Variants in ADAMTSL3 observed in about 807,000 individuals in gnomAD.
ADAMTSL3 encodes ADAMTS like 3.
A neutral mutation model predicts 201.7 loss-of-function variants in ADAMTSL3; 128 were observed. That is an observed-to-expected ratio of 0.63 (90% confidence interval 0.55 to 0.73). The LOEUF (loss-of-function observed/expected upper bound fraction) is 0.73. Ranked by LOEUF, ADAMTSL3 falls within the 30% of genes least tolerant of loss-of-function variation. ADAMTSL3 has a pLI of 0.00. For synonymous variants in ADAMTSL3, 738 were observed against 748.4 expected, an observed-to-expected ratio of 0.99 and a Z score of 0.23; for missense variants, 1,990 against 2,119.6, an observed-to-expected ratio of 0.94 and a Z score of 1.20.
At chr15:83,814,424 A>G (rs1363933989) in intron 5 of ADAMTSL3, among the ~76,000 whole-genome samples, 1 of 152,014 alleles carries the variant, frequency 6.6e-6, no homozygotes, top group Non-Finnish European at 1.5e-5. Context: ...CTCTTATTTA[A>G]ACTCCCAACT....
At chr15:84,033,443 T>C (rs577848192) in intron 28 of ADAMTSL3, among the ~76,000 whole-genome samples, 1 of 152,284 alleles carries the variant, frequency 6.6e-6, no homozygotes, top group South Asian at 2.1e-4. Context: ...GGCAGATCAC[T>C]TGAAGTCAGG....
At chr15:83,782,971 TTATA>T (rs200426299) in intron 4 of ADAMTSL3, among the ~76,000 whole-genome samples, 1 of 142,128 alleles carries the variant, frequency 7.0e-6, no homozygotes, top group African/African-American at 2.8e-5. Flanking sequence ...TATACATATA[TTATA>T]TATATACATA....
At chr15:83,963,240 C>G (rs931010223) in intron 19 of ADAMTSL3, among the ~76,000 whole-genome samples, 1 of 152,210 alleles carries the variant, frequency 6.6e-6, no homozygotes, top group Admixed American at 6.5e-5. Context: ...CAGAGCCCAG[C>G]AAGCTAAGAT....
At chr15:83,936,958 C>T (rs1173078375) in intron 17 of ADAMTSL3, among the ~76,000 whole-genome samples, 3 of 150,780 alleles carry the variant, frequency 2.0e-5, no homozygotes, top group East Asian at 1.9e-4. Flanking sequence ...AAAACCATAG[C>T]GAGATACCAT....
chr15:83,872,018 G>GT (rs2065089602), intron 9 of ADAMTSL3, among the ~76,000 whole-genome samples: 1 of 152,220 alleles, frequency 6.6e-6, no homozygotes, highest in Admixed American at 6.5e-5. Flanking sequence ...GTAGATTAGA[G>GT]TTGCTGACTC....
At position 83,823,966 on chromosome 15, in the gene ADAMTSL3, TCTTCTTCTCCTC is replaced by T. The variant is rs1287770628; in HGVS notation, c.600+3922_600+3933del. Reference sequence around the variant, plus strand: ...TTCTTCTTCTTCTTCTTCTTCTTCTTCTTCTTCTCCTCCTCCTCCTCCTCCTTCTCCTTCTTC... The same window carrying T: ...TTCTTCTTCTTCTTCTTCTTCTTCTTCTCCTCCTCCTCCTTCTCCTTCTTC... On this transcript the variant is annotated intron_variant, in intron 6 of 29. Coordinates refer to ENST00000286744, the MANE Select transcript of ADAMTSL3 (RefSeq NM_207517.3). 9.3e-5 allele frequency among the ~76,000 whole-genome samples: 6 copies of T among 64,766 alleles called. No homozygotes were observed. In the East Asian group the frequency reaches 2.6e-3, roughly 28 times the overall value. 42.5% of individuals were successfully genotyped at this position (64,766 alleles called of 152,430 possible).
intron 7 of ADAMTSL3, among the ~76,000 whole-genome samples, chr15:83,849,927 GACTTTAAT>G (rs2064575490): frequency 6.6e-6 from 1 of 152,112 alleles, no homozygotes; most frequent in South Asian, 2.1e-4. Context: ...ACTTCTGAGA[GACTTTAAT>G]ACATTGAAGT....
intron 23 of ADAMTSL3, among the ~76,000 whole-genome samples, chr15:84,008,194 C>G (rs146020487): frequency 2.1e-4 from 32 of 152,300 alleles, no homozygotes; most frequent in Non-Finnish European, 3.4e-4. Context: ...ACTGCAACCT[C>G]TACCTCCTGG....
chr15:83,850,657 C>G (rs953640017), intron 7 of ADAMTSL3, among the ~76,000 whole-genome samples: 1 of 152,096 alleles, frequency 6.6e-6, no homozygotes, highest in African/African-American at 2.4e-5. Flanking sequence ...TTCCTCAGAT[C>G]ACAGCTTCCT....
At chr15:83,858,221 A>G (rs2064781447) in intron 7 of ADAMTSL3, among the ~76,000 whole-genome samples, 1 of 152,234 alleles carries the variant, frequency 6.6e-6, no homozygotes, top group Non-Finnish European at 1.5e-5. Flanking sequence ...GCAGACCCTC[A>G]TCAAAGCACA....
intron 8 of ADAMTSL3, among the ~76,000 whole-genome samples, chr15:83,863,757 C>G (rs911063022): frequency 2.0e-5 from 3 of 152,080 alleles, no homozygotes; most frequent in South Asian, 2.1e-4. Context: ...CAAGAAATAA[C>G]TAAGATCAGA....
chr15:83,730,584 C>T lies in ADAMTSL3; in HGVS notation c.189+26076C>T, dbSNP rs1332286962. Among the ~76,000 whole-genome samples the T allele has an allele frequency of 2.0e-5, 3 of 151,610 alleles. No homozygotes were observed. The East Asian group carries it at 5.8e-4, about 29-fold the overall frequency. On this transcript the variant is annotated intron_variant, in intron 3 of 29. Coordinates refer to ENST00000286744, the MANE Select transcript of ADAMTSL3 (RefSeq NM_207517.3). ...ACCAAAGCAAAACCAGCCTCAAGAA[C>T]CCAAAAAGTATAATGGTTAGGAGCA...
intron 8 of ADAMTSL3, among the ~76,000 whole-genome samples, chr15:83,863,764 C>G (rs1331679803): frequency 6.6e-6 from 1 of 152,046 alleles, no homozygotes; most frequent in East Asian, 1.9e-4. Flanking sequence ...TAACTAAGAT[C>G]AGAGCAGAAC....
In ADAMTSL3 at chr15:83,865,542, G is replaced by T. The variant is rs150167400; in HGVS notation, c.803-5260G>T. Among the ~76,000 whole-genome samples, 309 of 152,242 alleles carry T rather than the reference G, an allele frequency of 2.0e-3. 2 individuals are homozygous for T. Among genetic ancestry groups the T allele is most frequent in the African/African-American group, 7.0e-3 (290 of 41,556 alleles). ...ATTCCCTATTTAAGAAATGGTGCTG[G>T]GAAAACTGGCTAGCCATATGTAGAA... On this transcript the variant is annotated intron_variant, in intron 8 of 29. Coordinates refer to ENST00000286744, the MANE Select transcript of ADAMTSL3 (RefSeq NM_207517.3).
Position 83,654,505 on chromosome 15 carries a change from T to G in ADAMTSL3, c.-34+229T>G, listed in dbSNP as rs1335273450. Among the ~76,000 whole-genome samples, 1 of 149,852 alleles carries G rather than the reference T, an allele frequency of 6.7e-6. No homozygotes were observed. The highest frequency in any genetic ancestry group is 1.5e-5 in the Non-Finnish European group (1 of 67,350). ...GCCGTCCCGGAAGGTTCAGGGAGAG[T>G]CTTTCGGCGGCAGTTCGCGGGCTGA... On this transcript the variant is annotated intron_variant, in intron 1 of 29. Coordinates refer to ENST00000286744, the MANE Select transcript of ADAMTSL3 (RefSeq NM_207517.3). The surrounding 1 kb of genome is among the most constrained non-coding windows in gnomAD (Gnocchi z 5.3).
At position 83,951,003 on chromosome 15, in the gene ADAMTSL3, C is replaced by CT. The variant is rs75663059; in HGVS notation, c.2490+7935dup. 4.9e-3 allele frequency among the ~76,000 whole-genome samples: 657 copies of CT among 133,382 alleles called. 2 individuals carry two copies. Among genetic ancestry groups the CT allele is most frequent in the Admixed American group, 5.8e-3 (78 of 13,390 alleles). 87.5% of individuals were successfully genotyped at this position (133,382 alleles called of 152,430 possible). ...GGATGCCCTTTATTTCTTTTCTTTT[C>CT]TTTTTTTTTTTTTTCACCTGATTCC... On this transcript the variant is annotated intron_variant, in intron 19 of 29. Coordinates refer to ENST00000286744, the MANE Select transcript of ADAMTSL3 (RefSeq NM_207517.3).
chr15:84,022,633 A>C (rs990327446), intron 26 of ADAMTSL3, among the ~76,000 whole-genome samples: 1 of 152,220 alleles, frequency 6.6e-6, no homozygotes, highest in Non-Finnish European at 1.5e-5. Context: ...GGTTGTGACT[A>C]TCTTGTACAT....
intron 19 of ADAMTSL3, among the ~76,000 whole-genome samples, chr15:83,956,809 T>C (rs931573846): frequency 1.3e-5 from 2 of 152,156 alleles, no homozygotes; most frequent in African/African-American, 4.8e-5. Flanking sequence ...ACTTTTTGGC[T>C]GAAGTATAAA....
intron 13 of ADAMTSL3, among the ~76,000 whole-genome samples, chr15:83,895,172 G>T (rs1362066177): frequency 6.6e-6 from 1 of 152,116 alleles, no homozygotes; most frequent in Non-Finnish European, 1.5e-5. Context: ...TCATGTGATG[G>T]TCTATCATCA....
Sources: gnomAD v4.1 joint callset for allele counts (sites outside exome capture counted in the v4.1 genomes callset) on GRCh38, gnomAD v4.1.1 for gene constraint, Gnocchi (gnomAD v3.1) non-coding constraint, MANE v1.5 for transcripts, NCBI Gene and HGNC (gene_info 2026-07-23, HGNC 2026-07-21) for gene names.